MAP3K1: variants seen among roughly 807,000 people sequenced by gnomAD.
The protein encoded by MAP3K1 is mitogen-activated protein kinase kinase kinase 1.
A neutral mutation model predicts 144.2 loss-of-function variants in MAP3K1; 36 were observed. That is an observed-to-expected ratio of 0.25 (90% confidence interval 0.19 to 0.33). The LOEUF is 0.33. Ranked by LOEUF, MAP3K1 falls within the 10% of genes least tolerant of loss-of-function variation. MAP3K1 has a pLI of 1.00. For missense variants in MAP3K1, 1,650 were observed against 1,881.9 expected (o/e 0.88, Z 2.28); for synonymous variants, 718 against 688.7 (o/e 1.04, Z -0.67).
chr5:56,818,926 G>A (rs1220121576), intron 1 of MAP3K1, among the ~76,000 whole-genome samples: 2 of 152,118 alleles, frequency 1.3e-5, no homozygotes, highest in African/African-American at 2.4e-5. Context: ...CTAAAAATAT[G>A]ATTTAGTGAC....
chr5:56,836,493 T>C lies in MAP3K1; in HGVS notation c.483-20107T>C, dbSNP rs193217439. Among the ~76,000 whole-genome samples the C allele has an allele frequency of 2.2e-4, 33 of 152,328 alleles. No homozygotes were observed. In the East Asian group the frequency reaches 4.1e-3, roughly 19 times the overall value. On this transcript the variant is annotated intron_variant, in intron 1 of 19. Coordinates refer to ENST00000399503, the MANE Select transcript of MAP3K1 (RefSeq NM_005921.2). ...GAAATACCCATATAGATATTACTTA[T>C]TCTCTTGCATACTGATAGGCTTTCT... is the stretch of plus-strand genomic sequence containing the variant.
intron 6 of MAP3K1, among the ~76,000 whole-genome samples, chr5:56,869,924 A>G (rs956879691): frequency 2.0e-5 from 3 of 152,202 alleles, no homozygotes; most frequent in Non-Finnish European, 4.4e-5. Flanking sequence ...ATGGGCAGGT[A>G]CATCAGGAGG....
At position 56,881,737 on chromosome 5, in the gene MAP3K1, C is replaced by A. The variant is rs1215146846; in HGVS notation, c.2537C>A (p.Ser846Tyr). 1 of 1,613,988 alleles carries A rather than the reference C, an allele frequency of 6.2e-7. No homozygotes were observed. The highest frequency in any genetic ancestry group is 8.5e-7 in the Non-Finnish European group (1 of 1,180,020). ...TTAGAAATGCTGAGTGTTTCCAGTT[C>A]CACTCACTTCACCAGGATGCGTCGC... ...KLLEMLSVSS[S>Y]THFTRMRRRL... The change falls in exon 14 of 20, where the codon TCC (serine) becomes TAC (tyrosine). Residue 846 changes from serine (S) to tyrosine (Y), a missense_variant. Ser to Tyr is a moderately radical substitution (Grantham distance 144). Around this residue, in one of 6 missense-constraint regions of MAP3K1, gnomAD observed 841 missense variants for 886.5 expected, o/e 0.95. Transcript: ENST00000399503.
At chr5:56,854,852 G>C (rs1041609790) in intron 1 of MAP3K1, among the ~76,000 whole-genome samples, 1 of 152,208 alleles carries the variant, frequency 6.6e-6, no homozygotes, top group East Asian at 1.9e-4. Context: ...GTATAAAAAT[G>C]CACTGCAGTT....
intron 12 of MAP3K1, 29 bp from the exon 13 acceptor site, chr5:56,881,054 A>G (rs1748188863): frequency 2.6e-6 from 4 of 1,545,200 alleles, no homozygotes; most frequent in Non-Finnish European, 3.6e-6. Context: ...CTATTTTTTA[A>G]TCATTTATTT....
chr5:56,893,472 TG>T, intron 19 of MAP3K1, 58 bp from the exon 20 acceptor site: 1 of 1,557,068 alleles, frequency 6.4e-7, no homozygotes, highest in Admixed American at 1.7e-5. Flanking sequence ...TATGCACATG[TG>T]TTTCTGTATC....
Position 56,815,804 on chromosome 5 carries a change from G to A in MAP3K1, c.231G>A (p.Pro77=), listed in dbSNP as rs1164115437. Residue 77 remains proline (P), a synonymous_variant, in exon 1 of 20, where the codon CCG becomes CCA. Coordinates refer to ENST00000399503, the MANE Select transcript of MAP3K1 (RefSeq NM_005921.2). ...AGCTGGACCAGCTGCCTGAGCAGCC[G>A]CTCTTCCTTGCCGCCTCACCGCCGG... The part of the protein sequence containing the change: ...SVELDQLPEQ[P]LFLAASPPAS... The A allele has an allele frequency of 6.3e-6, 9 of 1,423,026 alleles. No homozygotes were observed. In the Admixed American group the frequency reaches 1.7e-4, roughly 27 times the overall value. 88.1% of individuals were successfully genotyped at this position (1,423,026 alleles called of 1,614,324 possible). A position where few individuals can be genotyped will look rare whatever the true frequency, so the allele number is the denominator to read the frequency against.
chr5:56,891,367 G>A (rs1748547090), intron 19 of MAP3K1, among the ~76,000 whole-genome samples: 1 of 152,008 alleles, frequency 6.6e-6, no homozygotes, highest in African/African-American at 2.4e-5. Flanking sequence ...AAATTACTGG[G>A]GTAGGGAAAA....
chr5:56,832,272 T>G (rs907563044), intron 1 of MAP3K1, among the ~76,000 whole-genome samples: 3 of 152,210 alleles, frequency 2.0e-5, no homozygotes, highest in African/African-American at 7.2e-5. Flanking sequence ...GACAACCTCC[T>G]GACTCTAAGC....
In MAP3K1 at chr5:56,881,646, T is replaced by A; in HGVS notation, c.2446T>A (p.Ser816Thr). The change falls in exon 14 of 20, where the codon TCC becomes ACC. Residue 816 changes from serine to threonine, a missense_variant. By Grantham distance (58) the Ser-to-Thr change is moderately conservative. Around this residue, in one of 6 missense-constraint regions of MAP3K1, gnomAD observed 841 missense variants for 886.5 expected, o/e 0.95. Coordinates refer to ENST00000399503, the MANE Select transcript of MAP3K1 (RefSeq NM_005921.2). Reference protein sequence around the residue: ...DNSHSMVGKLSRRIYLSSARM... With the variant: ...DNSHSMVGKLTRRIYLSSARM... ...TTCCCACTCAATGGTTGGCAAACTT[T>A]CCAGAAGGATCTACTTGAGTTCTGC... 6.2e-7 allele frequency: 1 copy of A among 1,614,116 alleles called. No individual in the cohort carries two copies. The highest frequency in any genetic ancestry group is 8.5e-7 in the Non-Finnish European group (1 of 1,179,984).
intron 7 of MAP3K1, 129 bp downstream of exon 7, chr5:56,872,160 A>G (rs17662337): frequency 0.038 from 45,866 of 1,215,176 alleles, 1,086 homozygotes; most frequent in Middle Eastern, 0.051. Flanking sequence ...TCTAAGTCCT[A>G]AGTCCTATGT....
chr5:56,865,730 AAAACATGCAAATTAAAG>A, intron 5 of MAP3K1, 82 bp from the exon 6 acceptor site: 1 of 1,322,978 alleles, frequency 7.6e-7, no homozygotes, highest in Non-Finnish European at 1.1e-6. Flanking sequence ...AACTTTATGA[AAAACATGCAAATTAAAG>A]ATAAATAATT....
chr5:56,816,525 G>T (rs1432031866), intron 1 of MAP3K1, among the ~76,000 whole-genome samples: 1 of 152,058 alleles, frequency 6.6e-6, no homozygotes, highest in Admixed American at 6.5e-5. Context: ...GAAGCCCGAG[G>T]TCGGGTGGGA....
chr5:56,849,243 G>C (rs116713804), intron 1 of MAP3K1, among the ~76,000 whole-genome samples: 1 of 151,988 alleles, frequency 6.6e-6, no homozygotes, highest in Non-Finnish European at 1.5e-5. Context: ...CCAGCTACTC[G>C]GGAGGCTGAC....
chr5:56,868,080 G>A (rs1203683430), intron 6 of MAP3K1, among the ~76,000 whole-genome samples: 1 of 152,150 alleles, frequency 6.6e-6, no homozygotes, highest in Non-Finnish European at 1.5e-5. Context: ...GTTATTAATA[G>A]GAGGTGCTAT....
chr5:56,891,321 A>G (rs747190336), intron 19 of MAP3K1, among the ~76,000 whole-genome samples: 24 of 152,110 alleles, frequency 1.6e-4, no homozygotes, highest in African/African-American at 4.3e-4. Flanking sequence ...ATTTTTCTTT[A>G]TATTACTTTG....
chr5:56,847,324 T>A (rs773799079), intron 1 of MAP3K1, among the ~76,000 whole-genome samples: 13 of 152,224 alleles, frequency 8.5e-5, no homozygotes, highest in Non-Finnish European at 1.8e-4. Context: ...TGGTCGGGCG[T>A]GGTGGCTCAT....
intron 3 of MAP3K1, 135 bp downstream of exon 3, chr5:56,860,050 G>T: frequency 1.2e-6 from 1 of 811,672 alleles, no homozygotes; most frequent in Non-Finnish European, 2.1e-6. Flanking sequence ...GGATGGGGGG[G>T]GTGGTTCCTG....
At chr5:56,870,382 A>G (rs2111907228) in intron 6 of MAP3K1, among the ~76,000 whole-genome samples, 1 of 152,314 alleles carries the variant, frequency 6.6e-6, no homozygotes. Flanking sequence ...ATTGATTTTA[A>G]AAGCCATCCC....
Sources: allele counts gnomAD v4.1 joint callset (sites outside exome capture counted in the v4.1 genomes callset), GRCh38; gene constraint gnomAD v4.1.1; regional missense constraint gnomAD v4.1.1; transcripts MANE v1.5; gene names NCBI Gene and HGNC (gene_info 2026-07-23, HGNC 2026-07-21).